ECSIT: variants seen among roughly 807,000 people sequenced by gnomAD.
ECSIT encodes the protein evolutionarily conserved signaling intermediate in Toll pathway, mitochondrial.
Under a neutral mutation model 36.8 loss-of-function variants are expected in ECSIT, and 29 were observed. That is an observed-to-expected ratio of 0.79 (90% CI 0.59 to 1.08). The LOEUF (loss-of-function observed/expected upper bound fraction) is 1.08. ECSIT is among the 50% of genes least tolerant of loss of function. The pLI is 0.00. For missense variants in ECSIT, 542 were observed against 581.0 expected, an observed-to-expected ratio of 0.93 and a Z score of 0.69; for synonymous variants, 231 against 234.8, an observed-to-expected ratio of 0.98 and a Z score of 0.15.
Position 11,505,968 on chromosome 19 carries a change from A to T in ECSIT, c.*216T>A. The T allele has an allele frequency of 1.1e-6, 1 of 951,494 alleles. No homozygotes were observed. Among genetic ancestry groups the T allele is most frequent in the Non-Finnish European group, 1.5e-6 (1 of 658,446 alleles). 58.9% of individuals were successfully genotyped at this position (951,494 alleles called of 1,614,324 possible). ...AGCGCTCCCGCCCCTTTTTATTTGA[A>T]TTCGGAGAACCAGAGGCGCCTGCAG... On this transcript the variant is annotated 3_prime_UTR_variant, in exon 8 of 8. Coordinates refer to ENST00000270517, the MANE Select transcript of ECSIT (RefSeq NM_016581.5).
At position 11,514,208 on chromosome 19, in the gene ECSIT, A is replaced by G. The variant is rs368419199; in HGVS notation, c.110T>C (p.Leu37Pro). 1 of 1,604,080 alleles carries G rather than the reference A, an allele frequency of 6.2e-7. No homozygotes were observed. Among genetic ancestry groups the G allele is most frequent in the Admixed American group, 1.7e-5 (1 of 59,138 alleles). Reference protein sequence around the residue: ...GTSISQVPRRLPRGLHCSAAA... With the variant: ...GTSISQVPRRPPRGLHCSAAA... The stretch of plus-strand genomic sequence containing the variant: ...TGCGCTGCAGTGGAGGCCCCGAGGG[A>G]GCCGGCGAGGGACCTGGGGAGGGAG... The change falls in exon 3 of 8, where the codon CTC becomes CCC. Residue 37 changes from leucine to proline, a missense_variant. Coordinates refer to ENST00000270517, the MANE Select transcript of ECSIT (RefSeq NM_016581.5).
At chr19:11,518,370 T>C (rs1028082614) in intron 2 of ECSIT, among the ~76,000 whole-genome samples, 1 of 151,696 alleles carries the variant, frequency 6.6e-6, no homozygotes, top group South Asian at 2.1e-4. Context: ...GAGGTTGCAG[T>C]GAGCCAAGAC....
rs967234357 is a variant in ECSIT at position 11,505,962 on chromosome 19, A to T, written c.*222T>A. 2.0e-5 allele frequency: 19 copies of T among 938,754 alleles called. No homozygotes were observed. Among genetic ancestry groups the T allele is most frequent in the African/African-American group, 3.4e-5 (2 of 59,382 alleles). 58.2% of individuals were successfully genotyped at this position (938,754 alleles called of 1,614,324 possible). On this transcript the variant is annotated 3_prime_UTR_variant, in exon 8 of 8. Coordinates refer to ENST00000270517, the MANE Select transcript of ECSIT (RefSeq NM_016581.5). ...ACCAACAGCGCTCCCGCCCCTTTTT[A>T]TTTGAATTCGGAGAACCAGAGGCGC... is the stretch of plus-strand genomic sequence containing the variant.
chr19:11,527,987 G>T (rs1972250034), intron 1 of ECSIT, among the ~76,000 whole-genome samples: 1 of 152,148 alleles, frequency 6.6e-6, no homozygotes, highest in South Asian at 2.1e-4. Context: ...ACGAACAAGT[G>T]AGATCCTGTC....
chr19:11,526,279 C>T (rs1568408300), intron 1 of ECSIT, among the ~76,000 whole-genome samples: 2 of 152,158 alleles, frequency 1.3e-5, no homozygotes, highest in South Asian at 2.1e-4. Flanking sequence ...TGCATTTTAG[C>T]GAGTCCCTGG....
At chr19:11,526,507 T>C (rs1324667007) in intron 1 of ECSIT, among the ~76,000 whole-genome samples, 4 of 152,184 alleles carry the variant, frequency 2.6e-5, no homozygotes, top group Non-Finnish European at 5.9e-5. Context: ...CCATTCAGGC[T>C]ACAAACCTAG....
chr19:11,507,719 G>A lies in ECSIT; in HGVS notation c.928C>T (p.Leu310=). 1.9e-6 allele frequency: 3 copies of A among 1,614,146 alleles called. No individual in the cohort carries two copies. Among genetic ancestry groups the A allele is most frequent in the Non-Finnish European group, 2.5e-6 (3 of 1,180,044 alleles). Residue 310 remains leucine, a synonymous_variant, in exon 6 of 8, where the codon CTG becomes TTG. Coordinates refer to ENST00000270517, the MANE Select transcript of ECSIT (RefSeq NM_016581.5). ...VYYHILRADL[L]PPEEREVEET... ...GCCCTCACCCTCTCCTCCGGGGGCAGCAAGTCAGCTCTGAGGATGTGGTAA... is the reference window on the plus strand; with the variant it reads ...GCCCTCACCCTCTCCTCCGGGGGCAACAAGTCAGCTCTGAGGATGTGGTAA...
At chr19:11,518,406 G>A (rs961680181) in intron 2 of ECSIT, among the ~76,000 whole-genome samples, 2 of 151,796 alleles carry the variant, frequency 1.3e-5, no homozygotes, top group Non-Finnish European at 2.9e-5. Flanking sequence ...CAGCTTTGGC[G>A]ACAAGAGCAA....
intron 7 of ECSIT, among the ~76,000 whole-genome samples, chr19:11,506,879 C>T (rs1971754619): frequency 6.6e-6 from 1 of 152,174 alleles, no homozygotes; most frequent in African/African-American, 2.4e-5. Flanking sequence ...CAAGCTAGCC[C>T]CGCTGCCTAG....
At chr19:11,517,321 T>C (rs1972017717) in intron 2 of ECSIT, among the ~76,000 whole-genome samples, 1 of 150,988 alleles carries the variant, frequency 6.6e-6, no homozygotes, top group Non-Finnish European at 1.5e-5. Context: ...AAATTTCAGG[T>C]TGGGCGCAGT....
rs562139990 is a variant in ECSIT, at chr19:11,519,683, C to T, written c.-23-490G>A. Among the ~76,000 whole-genome samples, 2 of 152,028 alleles carry T rather than the reference C, an allele frequency of 1.3e-5. No individual in the cohort carries two copies. The highest frequency in any genetic ancestry group is 3.9e-4 in the East Asian group (2 of 5,166). On this transcript the variant is annotated intron_variant, in intron 1 of 7. Coordinates refer to ENST00000270517, the MANE Select transcript of ECSIT (RefSeq NM_016581.5). This position sits in a 1 kb window ranked among gnomAD's most constrained non-coding sequence, Gnocchi z 4.4. The stretch of plus-strand genomic sequence containing the variant: ...TGTCACTCCAACAAGAATCCCTGTA[C>T]CTGGCCAGGCGCGGTGGCTCACGCC...
At chr19:11,510,633 G>C (rs751926995) in intron 4 of ECSIT, 1 of 152,244 alleles carries the variant, frequency 6.6e-6, no homozygotes, top group East Asian at 1.9e-4. Context: ...GGAGGGAGAC[G>C]GGCGGCGTCA....
intron 5 of ECSIT, 32 bp downstream of exon 5, chr19:11,507,959 A>G (rs1971790187): frequency 6.2e-7 from 1 of 1,613,972 alleles, no homozygotes; most frequent in Non-Finnish European, 8.5e-7. Flanking sequence ...GTAAGGTTAG[A>G]GACTTGGCTG....
In ECSIT at chr19:11,506,318, G is replaced by C. The variant is rs1484616146; in HGVS notation, c.1162C>G (p.Pro388Ala). 3 of 1,613,390 alleles carry C rather than the reference G, an allele frequency of 1.9e-6. No homozygotes were observed. Residue 388 changes from proline to alanine, a missense_variant, in exon 8 of 8, where the codon CCC becomes GCC. Transcript: ENST00000270517. The stretch of plus-strand genomic sequence containing the variant: ...GACCCGGCGAGGCGGAAGACCACGG[G>C]GATCTGGGCCAGGGTTGGGTTGGTC... Reference protein sequence around the residue: ...QETNPTLAQIPVVFRLAGSTR... With the variant: ...QETNPTLAQIAVVFRLAGSTR...
Position 11,508,005 on chromosome 19 carries a change from T to TG in ECSIT, c.781dup (p.Gln261ProfsTer28), listed in dbSNP as rs773110475. On this transcript the variant is annotated frameshift_variant, in exon 5 of 8. Coordinates refer to ENST00000270517, the MANE Select transcript of ECSIT (RefSeq NM_016581.5). LOFTEE classifies it high-confidence loss of function. ...CTCGGACTTACCTACGATGTGGGGC[T>TG]GGGGGGGATCTGCTGCACCTGTTGA... 1.2e-5 allele frequency: 20 copies of TG among 1,613,902 alleles called. No individual in the cohort carries two copies. The highest frequency in any genetic ancestry group is 4.0e-5 in the African/African-American group (3 of 74,884).
chr19:11,515,314 A>AG (rs1476741537), intron 2 of ECSIT, among the ~76,000 whole-genome samples: 1 of 150,798 alleles, frequency 6.6e-6, no homozygotes. Flanking sequence ...TGTGTTAGTC[A>AG]GGATGGTCTC....
At chr19:11,518,911 A>AACAT (rs1051492414) in intron 2 of ECSIT, among the ~76,000 whole-genome samples, 164 bp downstream of exon 2, 2 of 152,138 alleles carry the variant, frequency 1.3e-5, no homozygotes, top group East Asian at 1.9e-4. Context: ...CAAACACATA[A>AACAT]ACATACATAC....
chr19:11,508,383 A>ATTTTTTTTTTTTTTTTTT lies in ECSIT; in HGVS notation c.739-336_739-335insAAAAAAAAAAAAAAAAAA, dbSNP rs34929827. ...GGGATGATAACAGCACTTAATTCCGATTTTTTTTTTTTTTTTAGGGATGGG... is the reference window on the plus strand; with the variant it reads ...GGGATGATAACAGCACTTAATTCCGATTTTTTTTTTTTTTTTTTTTTTTTTTTTTTTTTTAGGGATGGG... On this transcript the variant is annotated intron_variant, in intron 4 of 7. Transcript: ENST00000270517. Among the ~76,000 whole-genome samples, 13 of 124,048 alleles carry ATTTTTTTTTTTTTTTTTT rather than the reference A, an allele frequency of 1.0e-4. 1 individual carries two copies. The highest frequency in any genetic ancestry group is 2.5e-4 in the African/African-American group (7 of 27,646). 81.4% of individuals were successfully genotyped at this position (124,048 alleles called of 152,430 possible).
intron 7 of ECSIT, 128 bp downstream of exon 7, chr19:11,507,329 T>A: frequency 1.4e-6 from 1 of 739,330 alleles, no homozygotes. Flanking sequence ...TAGGCTGGAG[T>A]GCAGTGGCTC....
Sources: allele counts gnomAD v4.1 joint callset (sites outside exome capture counted in the v4.1 genomes callset), GRCh38; gene constraint gnomAD v4.1.1; non-coding constraint Gnocchi (gnomAD v3.1); transcripts MANE v1.5; gene names NCBI Gene and HGNC (gene_info 2026-07-23, HGNC 2026-07-21).